The following CCNY variants were observed in gnomAD, a reference collection of about 807,000 sequenced individuals.
The protein encoded by CCNY is cyclin Y, also known as cyclin-Y.
In CCNY, 19 loss-of-function variants were observed where a neutral mutation model predicts 42.8. The observed-to-expected ratio is 0.44, with a 90% CI of 0.31 to 0.65. The LOEUF (loss-of-function observed/expected upper bound fraction) is 0.65. Ranked by LOEUF, CCNY falls within the 30% of genes least tolerant of loss-of-function variation. The probability of loss-of-function intolerance (pLI) is 0.07; values close to 1 mark genes in which losing one functional copy is unlikely to be tolerated. For synonymous variants in CCNY, 165 were observed against 162.7 expected, an observed-to-expected ratio of 1.01 and a Z score of -0.11; for missense variants, 370 against 437.3, an observed-to-expected ratio of 0.85 and a Z score of 1.37.
chr10:35,365,378 C>T (rs1836787981), intron 1 of CCNY, among the ~76,000 whole-genome samples: 2 of 152,078 alleles, frequency 1.3e-5, no homozygotes, highest in Admixed American at 6.5e-5. Flanking sequence ...TATCTTAAAG[C>T]CAATACATAG....
chr10:35,385,920 A>G (rs879873965), intron 1 of CCNY, among the ~76,000 whole-genome samples: 16 of 152,222 alleles, frequency 1.1e-4, no homozygotes, highest in Admixed American at 3.3e-4. Flanking sequence ...AGAATTTACC[A>G]TAAGCATGTG....
At chr10:35,446,940 T>C (rs1286016890) in intron 1 of CCNY, among the ~76,000 whole-genome samples, 1 of 152,356 alleles carries the variant, frequency 6.6e-6, no homozygotes, top group East Asian at 1.9e-4. Context: ...ATAAATTGAT[T>C]ATACAGATTT....
At chr10:35,547,941 G>C (rs1162976048) in intron 7 of CCNY, among the ~76,000 whole-genome samples, 1 of 152,088 alleles carries the variant, frequency 6.6e-6, no homozygotes, top group Non-Finnish European at 1.5e-5. Flanking sequence ...TCCCTGTAAT[G>C]GTTTTCCATT....
chr10:35,543,298 A>T (rs1435983620), intron 7 of CCNY, among the ~76,000 whole-genome samples: 2 of 152,194 alleles, frequency 1.3e-5, no homozygotes, highest in African/African-American at 4.8e-5. Context: ...ATCAGCAAAA[A>T]GGGGAGGGCC....
intron 1 of CCNY, among the ~76,000 whole-genome samples, chr10:35,439,305 G>T (rs1212181975): frequency 6.6e-6 from 1 of 151,998 alleles, no homozygotes; most frequent in South Asian, 2.1e-4. Context: ...TTTCATTCTG[G>T]TCTATTTCTC....
chr10:35,549,046 A>T (rs1038213273), intron 7 of CCNY, among the ~76,000 whole-genome samples: 2 of 151,820 alleles, frequency 1.3e-5, no homozygotes, highest in Non-Finnish European at 2.9e-5. Context: ...TTAGTCATGG[A>T]TGTTTTCATT....
chr10:35,438,806 C>G lies in CCNY; in HGVS notation c.155-44598C>G, dbSNP rs74765680. On this transcript the variant is annotated intron_variant, in intron 1 of 9. Coordinates refer to ENST00000374704, the MANE Select transcript of CCNY (RefSeq NM_145012.6). ...TTCCAAGGTTGATTTATTTGATTTCCTTTTCACTTAGAGAACTTTGTTTAG... is the reference window on the plus strand; with the variant it reads ...TTCCAAGGTTGATTTATTTGATTTCGTTTTCACTTAGAGAACTTTGTTTAG... Among the ~76,000 whole-genome samples, 125 of 152,238 alleles carry G rather than the reference C, an allele frequency of 8.2e-4. 1 individual carries two copies. The East Asian group carries it at 0.022, about 26-fold the overall frequency.
intron 7 of CCNY, among the ~76,000 whole-genome samples, chr10:35,551,153 T>A (rs1250347821): frequency 6.6e-6 from 1 of 152,214 alleles, no homozygotes; most frequent in African/African-American, 2.4e-5. Flanking sequence ...GGGTCCCCTT[T>A]ACAGGCCTTG....
At chr10:35,381,227 T>C (rs1228306027) in intron 1 of CCNY, among the ~76,000 whole-genome samples, 1 of 152,204 alleles carries the variant, frequency 6.6e-6, no homozygotes, top group Admixed American at 6.5e-5. Context: ...AATAGATACG[T>C]AAGCTTCAAG....
At chr10:35,409,526 G>A (rs964843113) in intron 1 of CCNY, among the ~76,000 whole-genome samples, 2 of 152,140 alleles carry the variant, frequency 1.3e-5, no homozygotes, top group African/African-American at 2.4e-5. Context: ...GACTGGAGGC[G>A]TGCTCTCTGG....
chr10:35,247,519 G>C (rs1392572502), intron 1 of CCNY, among the ~76,000 whole-genome samples: 3 of 152,092 alleles, frequency 2.0e-5, no homozygotes, highest in Non-Finnish European at 2.9e-5. Flanking sequence ...CCAGGAGTTT[G>C]AGGCTGCAGT....
At chr10:35,437,543 A>G (rs192412659) in intron 1 of CCNY, among the ~76,000 whole-genome samples, 1 of 152,140 alleles carries the variant, frequency 6.6e-6, no homozygotes, top group Admixed American at 6.5e-5. Context: ...AGTCCCAGCT[A>G]CTTGGGAGGA....
intron 1 of CCNY, among the ~76,000 whole-genome samples, chr10:35,380,097 G>A (rs534354206): frequency 2.0e-5 from 3 of 152,294 alleles, no homozygotes; most frequent in Admixed American, 1.3e-4. Flanking sequence ...GGAAGATGTT[G>A]TTTTGGAAGC....
rs372149595 is a variant in CCNY, at chr10:35,533,261, G to A, written c.579+3018G>A. 4.6e-5 allele frequency among the ~76,000 whole-genome samples: 7 copies of A among 152,262 alleles called. No homozygotes were observed. The East Asian group carries it at 1.4e-3, about 29-fold the overall frequency. On this transcript the variant is annotated intron_variant, in intron 7 of 9. Coordinates refer to ENST00000374704, the MANE Select transcript of CCNY (RefSeq NM_145012.6). ...CAGATGTTCATCTGTAGAAAAATCA[G>A]TCATGACCCAGAGTTGAAGGAGCTT... is the stretch of plus-strand genomic sequence containing the variant.
At chr10:35,432,358 TACTC>T (rs1838431801) in intron 1 of CCNY, among the ~76,000 whole-genome samples, 1 of 152,218 alleles carries the variant, frequency 6.6e-6, no homozygotes. Flanking sequence ...AGAGTGCTGA[TACTC>T]AGTAAGCACT....
intron 1 of CCNY, among the ~76,000 whole-genome samples, chr10:35,451,686 G>A (rs1429577456): frequency 1.3e-5 from 2 of 152,234 alleles, no homozygotes; most frequent in African/African-American, 4.8e-5. Flanking sequence ...GGAGCCTCCT[G>A]AGGCCAGTCC....
chr10:35,348,466 G>T (rs926471771), intron 1 of CCNY, among the ~76,000 whole-genome samples: 1 of 152,222 alleles, frequency 6.6e-6, no homozygotes, highest in Non-Finnish European at 1.5e-5. Context: ...TGTGTGCTCT[G>T]CAGGCACACT....
chr10:35,358,613 A>T (rs1212036302), intron 1 of CCNY, among the ~76,000 whole-genome samples: 1 of 152,236 alleles, frequency 6.6e-6, no homozygotes, highest in African/African-American at 2.4e-5. Context: ...CACACTTGAG[A>T]CAAGTCAAGG....
chr10:35,514,958 G>A (rs1017395044), intron 3 of CCNY, among the ~76,000 whole-genome samples: 17 of 152,120 alleles, frequency 1.1e-4, no homozygotes, highest in African/African-American at 4.1e-4. Context: ...TAGAGTCTGA[G>A]GCTTTAGTGC....
Sources: gnomAD v4.1 joint callset for allele counts (sites outside exome capture counted in the v4.1 genomes callset) on GRCh38, gnomAD v4.1.1 for gene constraint, MANE v1.5 for transcripts, NCBI Gene and HGNC (gene_info 2026-07-23, HGNC 2026-07-21) for gene names.